The following GRID2 variants were observed in gnomAD, a reference collection of about 807,000 sequenced individuals.
GRID2 encodes glutamate ionotropic receptor delta type subunit 2, also known as glutamate receptor ionotropic, delta-2.
Under a neutral mutation model 114.8 loss-of-function variants are expected in GRID2, and 33 were observed. That is an observed-to-expected ratio of 0.29 (90% CI 0.22 to 0.38). The LOEUF (loss-of-function observed/expected upper bound fraction) is 0.38, where lower values mean the gene tolerates loss of function less well. Ranked by LOEUF, GRID2 falls within the 10% of genes least tolerant of loss-of-function variation. The pLI, the probability that GRID2 is intolerant of heterozygous loss-of-function variation, is 1.00. For missense variants in GRID2, 1,184 were observed against 1,257.7 expected (o/e 0.94, Z 0.89); for synonymous variants, 505 against 449.9 (o/e 1.12, Z -1.55).
intron 1 of GRID2, among the ~76,000 whole-genome samples, chr4:92,307,440 C>T (rs1324001747): frequency 2.0e-5 from 3 of 152,076 alleles, no homozygotes; most frequent in Admixed American, 6.5e-5. Context: ...GATGAAAAGA[C>T]ACTGCTCTAA....
chr4:93,370,781 T>C (rs1027714676), intron 8 of GRID2, among the ~76,000 whole-genome samples: 1 of 152,182 alleles, frequency 6.6e-6, no homozygotes, highest in African/African-American at 2.4e-5. Flanking sequence ...TTATTTTCCC[T>C]GTGTGATTTG....
intron 14 of GRID2, among the ~76,000 whole-genome samples, chr4:93,677,157 C>T (rs753629377): frequency 1.3e-4 from 20 of 152,186 alleles, no homozygotes; most frequent in Non-Finnish European, 2.1e-4. Flanking sequence ...GTCCTATGCC[C>T]ACGGAGGCTC....
At chr4:93,717,409 G>GTT (rs11405578) in intron 14 of GRID2, among the ~76,000 whole-genome samples, 6,449 of 148,528 alleles carry the variant, frequency 0.043, 219 homozygotes, top group African/African-American at 0.085. Context: ...TGTAATAGGT[G>GTT]TTTTTTTTTT....
intron 13 of GRID2, among the ~76,000 whole-genome samples, chr4:93,542,294 T>C (rs1469023390): frequency 6.6e-6 from 1 of 152,116 alleles, no homozygotes; most frequent in Non-Finnish European, 1.5e-5. Flanking sequence ...TACTATCCTG[T>C]ACCCAGCCTT....
At chr4:93,565,137 CT>C (rs1361218828) in intron 13 of GRID2, among the ~76,000 whole-genome samples, 1 of 151,754 alleles carries the variant, frequency 6.6e-6, no homozygotes, top group African/African-American at 2.4e-5. Context: ...CATAAATGAT[CT>C]CTTAAAAGTA....
intron 2 of GRID2, among the ~76,000 whole-genome samples, chr4:92,885,295 T>C (rs1746299626): frequency 6.6e-6 from 1 of 152,228 alleles, no homozygotes; most frequent in South Asian, 2.1e-4. Flanking sequence ...TTGCCACTGC[T>C]GACAGAGCTA....
At chr4:92,813,910 T>C (rs1740764033) in intron 2 of GRID2, among the ~76,000 whole-genome samples, 1 of 152,154 alleles carries the variant, frequency 6.6e-6, no homozygotes, top group South Asian at 2.1e-4. Context: ...ATTTCTAGCC[T>C]AATTAATCTT....
intron 2 of GRID2, among the ~76,000 whole-genome samples, chr4:92,756,391 G>A (rs1016406649): frequency 2.0e-5 from 3 of 152,060 alleles, no homozygotes; most frequent in Admixed American, 6.6e-5. Context: ...GCGTAGTGCC[G>A]CAATAAACAT....
chr4:93,332,633 T>C (rs145910412), intron 8 of GRID2, among the ~76,000 whole-genome samples: 1 of 152,238 alleles, frequency 6.6e-6, no homozygotes, highest in Non-Finnish European at 1.5e-5. Context: ...GCAAAAGACA[T>C]TCCAATAATA....
intron 4 of GRID2, among the ~76,000 whole-genome samples, chr4:93,134,381 C>A (rs2149378933): frequency 6.6e-6 from 1 of 152,258 alleles, no homozygotes; most frequent in Non-Finnish European, 1.5e-5. Context: ...AAATGTGAAT[C>A]TGAACTGAGT....
intron 2 of GRID2, among the ~76,000 whole-genome samples, chr4:92,878,497 C>T (rs1041978283): frequency 5.9e-5 from 9 of 151,844 alleles, no homozygotes; most frequent in African/African-American, 2.2e-4. Context: ...AGAGAGAGTA[C>T]CTGGATGGTA....
intron 1 of GRID2, among the ~76,000 whole-genome samples, chr4:92,428,489 T>G (rs1226995434): frequency 1.3e-5 from 2 of 152,142 alleles, no homozygotes; most frequent in Admixed American, 1.3e-4. Flanking sequence ...ATAACAGGTT[T>G]ATTTTTTCCT....
chr4:93,682,462 C>T (rs1039526843), intron 14 of GRID2, among the ~76,000 whole-genome samples: 4 of 151,826 alleles, frequency 2.6e-5, no homozygotes, highest in Non-Finnish European at 5.9e-5. Flanking sequence ...AATCATGCTG[C>T]TATAAAGACA....
At chr4:93,581,472 T>C (rs1165150691) in intron 13 of GRID2, among the ~76,000 whole-genome samples, 1 of 152,126 alleles carries the variant, frequency 6.6e-6, no homozygotes, top group African/African-American at 2.4e-5. Context: ...AAATATAAAA[T>C]ATTTTAAATT....
intron 4 of GRID2, among the ~76,000 whole-genome samples, chr4:93,193,364 C>T (rs911660316): frequency 1.3e-5 from 2 of 152,122 alleles, no homozygotes; most frequent in African/African-American, 2.4e-5. Flanking sequence ...GGGAGAGACC[C>T]GGTGGGAGGT....
At position 93,238,430 on chromosome 4, in the gene GRID2, T is replaced by A; in HGVS notation, c.1185T>A (p.Asn395Lys). Residue 395 changes from asparagine to lysine, a missense_variant, in exon 8 of 16, where the codon AAT (asparagine) becomes AAA (lysine). Around this residue, in one of 3 missense-constraint regions of GRID2, gnomAD observed 717 missense variants for 796.9 expected, o/e 0.90. Coordinates refer to ENST00000282020, the MANE Select transcript of GRID2 (RefSeq NM_001510.4). ...TTGGAGAAAATGGAGGCAATCCCAATGTCCACTTTGAAATCCTTGGAACCA... is the reference window on the plus strand; with the variant it reads ...TTGGAGAAAATGGAGGCAATCCCAAAGTCCACTTTGAAATCCTTGGAACCA... ...LEFGENGGNP[N>K]VHFEILGTNY... 6.2e-7 allele frequency: 1 copy of A among 1,608,266 alleles called. No homozygotes were observed.
At chr4:92,440,988 T>C (rs540979091) in intron 1 of GRID2, among the ~76,000 whole-genome samples, 1,991 of 150,918 alleles carry the variant, frequency 0.013, 17 homozygotes, top group Non-Finnish European at 0.021. Flanking sequence ...CTGTAGAGAG[T>C]GAGTTGAGCA....
At chr4:93,259,907 A>C in intron 8 of GRID2, among the ~76,000 whole-genome samples, 1 of 151,784 alleles carries the variant, frequency 6.6e-6, no homozygotes, top group East Asian at 1.9e-4. Context: ...CTATTAGTAA[A>C]GCACACTTAA....
intron 14 of GRID2, among the ~76,000 whole-genome samples, chr4:93,665,325 A>G (rs1317417219): frequency 6.6e-6 from 1 of 152,156 alleles, no homozygotes; most frequent in African/African-American, 2.4e-5. Flanking sequence ...TATTATTCTG[A>G]TGTATTTGTC....
Sources: gnomAD v4.1 joint callset for allele counts (sites outside exome capture counted in the v4.1 genomes callset) on GRCh38, gnomAD v4.1.1 for gene constraint, gnomAD v4.1.1 regional missense constraint, MANE v1.5 for transcripts, NCBI Gene and HGNC (gene_info 2026-07-23, HGNC 2026-07-21) for gene names.